ADAMTSL1: variants seen among roughly 807,000 people sequenced by gnomAD.
The protein encoded by ADAMTSL1 is ADAMTS like 1, also known as ADAMTS-like protein 1.
In ADAMTSL1, 126 loss-of-function variants were observed where a neutral mutation model predicts 201.8. The observed-to-expected ratio is 0.62, with a 90% CI of 0.54 to 0.72. The LOEUF (loss-of-function observed/expected upper bound fraction) is 0.72. Among genes scored for constraint, ADAMTSL1 ranks in the 30% least tolerant of loss-of-function variants. The pLI, the probability that ADAMTSL1 is intolerant of heterozygous loss-of-function variation, is 0.00. For missense variants in ADAMTSL1, 2,679 were observed against 2,277.8 expected (o/e 1.18, Z -3.59); for synonymous variants, 1,121 against 903.4 (o/e 1.24, Z -4.32).
chr9:18,712,144 G>A (rs1832654939), intron 14 of ADAMTSL1, among the ~76,000 whole-genome samples: 1 of 151,914 alleles, frequency 6.6e-6, no homozygotes, highest in African/African-American at 2.4e-5. Flanking sequence ...ACAAAGATGG[G>A]GAAAAAAACA....
Position 18,178,185 on chromosome 9 carries a change from G to A in ADAMTSL1, c.207+14204G>A, listed in dbSNP as rs202084840. Among the ~76,000 whole-genome samples the A allele has an allele frequency of 1.3e-3, 198 of 152,352 alleles. 4 individuals carry two copies. In the East Asian group the frequency reaches 0.036, roughly 28 times the overall value. Reference sequence around the variant, plus strand: ...TGGGTGAGCGCACTGTGCGCGAGCCGAAGCAGGGCGAGGCATTGCCTCACT... The same window carrying A: ...TGGGTGAGCGCACTGTGCGCGAGCCAAAGCAGGGCGAGGCATTGCCTCACT... On this transcript the variant is annotated intron_variant, in intron 2 of 29. Coordinates refer to the ADAMTSL1 transcript ENST00000680146.
intron 14 of ADAMTSL1, among the ~76,000 whole-genome samples, chr9:18,715,476 C>T (rs528792141): frequency 2.6e-5 from 4 of 152,122 alleles, no homozygotes; most frequent in African/African-American, 9.7e-5. Context: ...TGCGTGAACT[C>T]CCATTCACAA....
At chr9:18,741,577 TG>T (rs1818829757) in intron 15 of ADAMTSL1, among the ~76,000 whole-genome samples, 1 of 152,240 alleles carries the variant, frequency 6.6e-6, no homozygotes, top group African/African-American at 2.4e-5. Context: ...ATTAATCTGC[TG>T]GGGCTTCCAT....
At chr9:18,182,709 C>A (rs1194640433) in intron 2 of ADAMTSL1, among the ~76,000 whole-genome samples, 3 of 152,342 alleles carry the variant, frequency 2.0e-5, no homozygotes, top group Admixed American at 6.5e-5. Flanking sequence ...TAATGGCAGA[C>A]ATTTCAGATC....
intron 2 of ADAMTSL1, among the ~76,000 whole-genome samples, chr9:18,332,337 G>A (rs1018782232): frequency 6.6e-6 from 1 of 152,170 alleles, no homozygotes; most frequent in Admixed American, 6.6e-5. Context: ...AAGTAAAAAT[G>A]AGGATTCAGA....
At chr9:18,824,690 C>CTTTTTTTTTTTT (rs34551511) in intron 21 of ADAMTSL1, among the ~76,000 whole-genome samples, 8 of 75,706 alleles carry the variant, frequency 1.1e-4, no homozygotes, top group East Asian at 5.3e-4. Flanking sequence ...GGACTTGACC[C>CTTTTTTTTTTTT]TTTTTTTTTT....
intron 2 of ADAMTSL1, among the ~76,000 whole-genome samples, chr9:18,391,803 CT>C (rs1201487444): frequency 7.0e-6 from 1 of 142,978 alleles, no homozygotes; most frequent in East Asian, 2.1e-4. Flanking sequence ...GAATCAACTA[CT>C]TTTTTTCTTT....
At position 18,908,479 on chromosome 9, in the gene ADAMTSL1, G is replaced by A. The variant is rs778195646; in HGVS notation, c.5220G>A (p.Val1740=). The change falls in exon 29 of 29, where the codon GTG becomes GTA. Residue 1740 remains valine (V), a synonymous_variant. Coordinates refer to ENST00000380548, the MANE Select transcript of ADAMTSL1 (RefSeq NM_001040272.6). The part of the protein sequence containing the change: ...CRDTTRYCEK[V]KQLKLCQLSQ... ...ACACCACCAGGTACTGCGAGAAGGT[G>A]AAACAGCTGAAACTCTGCCAACTCA... 6.4e-7 allele frequency: 1 copy of A among 1,563,620 alleles called. No individual in the cohort carries two copies. The highest frequency in any genetic ancestry group is 1.2e-5 in the South Asian group (1 of 84,510).
At chr9:18,228,830 C>A (rs1013735303) in intron 2 of ADAMTSL1, among the ~76,000 whole-genome samples, 2 of 148,814 alleles carry the variant, frequency 1.3e-5, no homozygotes, top group South Asian at 4.3e-4. Flanking sequence ...GATTGTGATT[C>A]AGAGTTTTTT....
In ADAMTSL1 at chr9:18,908,577, T is replaced by C. The variant is rs1383647592; in HGVS notation, c.*29T>C. 3.9e-6 allele frequency: 6 copies of C among 1,531,318 alleles called. No homozygotes were observed. Among genetic ancestry groups the C allele is most frequent in the Non-Finnish European group, 5.3e-6 (6 of 1,129,898 alleles). The allele number at this position is 1,531,318 out of a possible 1,614,324, so 94.9% of individuals were successfully genotyped here. On this transcript the variant is annotated 3_prime_UTR_variant, in exon 29 of 29. Coordinates refer to ENST00000380548, the MANE Select transcript of ADAMTSL1 (RefSeq NM_001040272.6). Reference sequence around the variant, plus strand: ...TAGGGTGTGGGGAAAAACTCTACCCTGGCCACACGAAGGACTCACGCAACC... The same window carrying C: ...TAGGGTGTGGGGAAAAACTCTACCCCGGCCACACGAAGGACTCACGCAACC...
At chr9:18,551,386 T>G (rs1820788955) in intron 3 of ADAMTSL1, among the ~76,000 whole-genome samples, 1 of 151,926 alleles carries the variant, frequency 6.6e-6, no homozygotes, top group Non-Finnish European at 1.5e-5. Context: ...AATTCTTATC[T>G]GATTTTAATA....
intron 1 of ADAMTSL1, among the ~76,000 whole-genome samples, chr9:18,152,936 T>C (rs1826981791): frequency 6.6e-6 from 1 of 152,060 alleles, no homozygotes; most frequent in East Asian, 1.9e-4. Flanking sequence ...CAGATAACAA[T>C]GATCATATTT....
chr9:18,894,320 C>CCTGGGTGA (rs1829476560), intron 26 of ADAMTSL1, among the ~76,000 whole-genome samples: 1 of 147,780 alleles, frequency 6.8e-6, no homozygotes, highest in African/African-American at 2.5e-5. Context: ...ACTACTCCAG[C>CCTGGGTGA]CTGGGTGACA....
In ADAMTSL1 at chr9:18,639,359, A is replaced by G. The variant is rs146637983; in HGVS notation, c.782A>G (p.Asp261Gly). 82 of 1,613,026 alleles carry G rather than the reference A, an allele frequency of 5.1e-5. No homozygotes were observed. The African/African-American group carries it at 1.0e-3, about 20-fold the overall frequency. Residue 261 changes from aspartate (D) to glycine (G), a missense_variant, in exon 7 of 29, where the codon GAC (aspartate) becomes GGC (glycine). Coordinates refer to ENST00000380548, the MANE Select transcript of ADAMTSL1 (RefSeq NM_001040272.6). ...AGTGTGGACTTCCAGAAATTTCCAG[A>G]CAAAGAGATACTGAGAATGGCTGGA... ...NSSVDFQKFP[D>G]KEILRMAGPL...
chr9:17,993,449 C>T (rs1819244310), intron 1 of ADAMTSL1, among the ~76,000 whole-genome samples: 1 of 114,480 alleles, frequency 8.7e-6, no homozygotes, highest in Admixed American at 8.3e-5. Context: ...ATAATAAGAG[C>T]CTGTCGTAGT....
At chr9:18,250,091 T>C (rs887071616) in intron 2 of ADAMTSL1, among the ~76,000 whole-genome samples, 4 of 152,224 alleles carry the variant, frequency 2.6e-5, no homozygotes, top group African/African-American at 9.6e-5. Flanking sequence ...TCAGTGTAGT[T>C]TACATGAATT....
At chr9:18,717,657 A>G (rs904340337) in intron 14 of ADAMTSL1, among the ~76,000 whole-genome samples, 3 of 152,234 alleles carry the variant, frequency 2.0e-5, no homozygotes, top group Admixed American at 1.3e-4. Flanking sequence ...GGGTTAGAGT[A>G]TACAGTACAC....
intron 2 of ADAMTSL1, among the ~76,000 whole-genome samples, chr9:18,343,195 C>T (rs1238753307): frequency 6.6e-6 from 1 of 151,980 alleles, no homozygotes; most frequent in African/African-American, 2.4e-5. Flanking sequence ...ACATATACAT[C>T]AACTGAGTGG....
rs150901853 is a variant in ADAMTSL1, at chr9:18,401,399, CT to C, written c.208-103427del. Among the ~76,000 whole-genome samples the C allele has an allele frequency of 3.7e-3, 562 of 152,318 alleles. 4 individuals carry two copies. The highest frequency in any genetic ancestry group is 0.013 in the African/African-American group (531 of 41,576). ...ACGTTCTGACTTCTCTTGCTGCAGCCTTTCAGCTTAATCTCTCACTGTTTAC... is the reference window on the plus strand; with the variant it reads ...ACGTTCTGACTTCTCTTGCTGCAGCCTTCAGCTTAATCTCTCACTGTTTAC... On this transcript the variant is annotated intron_variant, in intron 2 of 29. Coordinates refer to the ADAMTSL1 transcript ENST00000680146.
Sources: allele counts gnomAD v4.1 joint callset (sites outside exome capture counted in the v4.1 genomes callset), GRCh38; gene constraint gnomAD v4.1.1; transcripts MANE v1.5; gene names NCBI Gene and HGNC (gene_info 2026-07-23, HGNC 2026-07-21).